The following SFXN4 variants were observed in gnomAD, a reference collection of about 807,000 sequenced individuals.
SFXN4 encodes the protein sideroflexin-4.
SFXN4 carries 48 observed loss-of-function variants against 54.6 expected under a neutral mutation model. That is an observed-to-expected ratio of 0.88 (90% CI 0.70 to 1.12). The LOEUF (loss-of-function observed/expected upper bound fraction) is 1.12. SFXN4 is among the 50% of genes most tolerant of loss of function. The probability of loss-of-function intolerance (pLI) is 0.00; values close to 1 mark genes in which losing one functional copy is unlikely to be tolerated. For missense variants in SFXN4, 383 were observed against 409.2 expected (o/e 0.94, Z 0.55); for synonymous variants, 130 against 145.5 (o/e 0.89, Z 0.77).
chr10:119,160,979 G>T lies in SFXN4; in HGVS notation c.280-10C>A. The T allele has an allele frequency of 6.2e-7, 1 of 1,614,200 alleles. No individual in the cohort carries two copies. The highest frequency in any genetic ancestry group is 8.5e-7 in the Non-Finnish European group (1 of 1,180,040). On this transcript the variant is annotated splice_polypyrimidine_tract_variant and intron_variant, in intron 4 of 13. Transcript: ENST00000355697. Reference sequence around the variant, plus strand: ...CGGGATGCACTGTTGCCTTCAAAAGGAGAGATGCAAGGTTAGCTGGATGTC... The same window carrying T: ...CGGGATGCACTGTTGCCTTCAAAAGTAGAGATGCAAGGTTAGCTGGATGTC...
intron 11 of SFXN4, among the ~76,000 whole-genome samples, chr10:119,151,577 G>A (rs1216110420): frequency 3.3e-5 from 5 of 150,948 alleles, no homozygotes; most frequent in African/African-American, 4.9e-5. Flanking sequence ...GTGCAGTGGC[G>A]CAATCTCAGC....
intron 10 of SFXN4, 52 bp downstream of exon 10, chr10:119,156,626 A>T: frequency 7.2e-7 from 1 of 1,391,246 alleles, no homozygotes; most frequent in Non-Finnish European, 1.0e-6. Flanking sequence ...GAAGGCTCAC[A>T]GACCACAAAG....
chr10:119,146,329 T>C lies in SFXN4; in HGVS notation c.843A>G (p.Pro281=). 1 of 1,612,624 alleles carries C rather than the reference T, an allele frequency of 6.2e-7. No individual in the cohort carries two copies. Among genetic ancestry groups the C allele is most frequent in the Non-Finnish European group, 8.5e-7 (1 of 1,178,854 alleles). The part of the protein sequence containing the change: ...FKRTQYFRKN[P]GSLWILKLSC... ...ACAGTTTCAAAATCCACAATGACCC[T>C]GGGTTTTTCCTGAAATACTGGGTCC... Residue 281 remains proline (P), a synonymous_variant, in exon 13 of 14, where the codon CCA becomes CCG. Transcript: ENST00000355697.
intron 11 of SFXN4, among the ~76,000 whole-genome samples, chr10:119,151,751 GGT>G (rs1481056511): frequency 3.3e-5 from 5 of 151,450 alleles, no homozygotes; most frequent in Admixed American, 3.3e-4. Flanking sequence ...CCTGACCTCA[GGT>G]GATCTACCTG....
Position 119,147,833 on chromosome 10 carries a change from T to C in SFXN4, c.760A>G (p.Ile254Val), listed in dbSNP as rs780031922. The change falls in exon 12 of 14, where the codon ATA becomes GTA. Residue 254 changes from isoleucine to valine, a missense_variant. Transcript: ENST00000355697. Reference protein sequence around the residue: ...KAVRETLASRIVLFGTSALIP... With the variant: ...KAVRETLASRVVLFGTSALIP... ...AGAGCTGAGGTCCCAAACAGCACTA[T>C]TCTGGATGCTAGCGTTTCTCTAACA... 7.4e-6 allele frequency: 12 copies of C among 1,614,050 alleles called. No homozygotes were observed. In the East Asian group the frequency reaches 2.4e-4, roughly 33 times the overall value.
At chr10:119,165,174 G>A in intron 1 of SFXN4, 6 of 1,034,696 alleles carry the variant, frequency 5.8e-6, no homozygotes, top group Non-Finnish European at 7.0e-6. Flanking sequence ...AAAGCCTCGG[G>A]GGTCTCACCG....
At chr10:119,160,810 G>C (rs1317427585) in intron 5 of SFXN4, 105 bp downstream of exon 5, 2 of 1,146,836 alleles carry the variant, frequency 1.7e-6, no homozygotes, top group Non-Finnish European at 2.6e-6. Context: ...ATGTTGGCCA[G>C]GCTGGTCTCG....
At position 119,156,449 on chromosome 10, in the gene SFXN4, T is replaced by C. The variant is rs149142965; in HGVS notation, c.616+229A>G. On this transcript the variant is annotated intron_variant, in intron 10 of 13. Transcript: ENST00000355697. ...GTCTCAAGAAAAAAAATGTAATTTG[T>C]GTTTCCAGTCTTGTGTTCATTCTTT... 7.5e-3 allele frequency among the ~76,000 whole-genome samples: 1,142 copies of C among 152,290 alleles called. 18 individuals are homozygous for C. Among genetic ancestry groups the C allele is most frequent in the African/African-American group, 0.026 (1,075 of 41,562 alleles).
chr10:119,156,091 A>T (rs923253088), intron 10 of SFXN4, among the ~76,000 whole-genome samples: 3 of 152,162 alleles, frequency 2.0e-5, no homozygotes, highest in Non-Finnish European at 4.4e-5. Context: ...GTCGGGATTA[A>T]GTAAAATAAT....
At chr10:119,160,372 G>A (rs1342237410) in intron 5 of SFXN4, among the ~76,000 whole-genome samples, 1 of 150,986 alleles carries the variant, frequency 6.6e-6, no homozygotes, top group African/African-American at 2.4e-5. Context: ...AAAATTAGCT[G>A]GGCATGGTGG....
chr10:119,164,381 T>A (rs899001554), intron 1 of SFXN4, among the ~76,000 whole-genome samples, 185 bp from the exon 2 acceptor site: 4 of 151,496 alleles, frequency 2.6e-5, no homozygotes, highest in African/African-American at 9.7e-5. Context: ...AAGCTGAGGC[T>A]TAGAGGGACT....
intron 10 of SFXN4, among the ~76,000 whole-genome samples, chr10:119,156,318 C>T (rs1021745711): frequency 5.9e-5 from 9 of 152,196 alleles, no homozygotes; most frequent in African/African-American, 2.2e-4. Flanking sequence ...ATCCCAGCTA[C>T]TTGGGAGACT....
At chr10:119,159,179 C>T (rs1323265730) in intron 6 of SFXN4, among the ~76,000 whole-genome samples, 1 of 151,942 alleles carries the variant, frequency 6.6e-6, no homozygotes, top group East Asian at 1.9e-4. Context: ...ACTCAGGAGG[C>T]TGAGACAGGA....
At chr10:119,150,483 C>T (rs1006197018) in intron 11 of SFXN4, among the ~76,000 whole-genome samples, 1 of 151,990 alleles carries the variant, frequency 6.6e-6, no homozygotes, top group Non-Finnish European at 1.5e-5. Context: ...TTGAGACCAG[C>T]CTGGGCAACA....
chr10:119,155,264 G>C, intron 10 of SFXN4, 87 bp from the exon 11 acceptor site: 1 of 908,040 alleles, frequency 1.1e-6, no homozygotes, highest in Non-Finnish European at 1.8e-6. Flanking sequence ...TCTGCCCCCT[G>C]CAAGCCTCTT....
In SFXN4 at chr10:119,165,682, C is replaced by A. The variant is rs932288380; in HGVS notation, c.-35G>T. On this transcript the variant is annotated 5_prime_UTR_variant, in exon 1 of 14. Transcript: ENST00000355697. ...GTTAGAGTGGCCGCCGCCGCCAGGC[C>A]GCGCGTGGAGGAGGAGCCGGGCGGC... The A allele has an allele frequency of 2.7e-6, 4 of 1,498,230 alleles. No individual in the cohort carries two copies. In the Admixed American group the frequency reaches 8.6e-5, roughly 32 times the overall value. The allele number at this position is 1,498,230 out of a possible 1,614,324, so 92.8% of individuals were successfully genotyped here. A position where few individuals can be genotyped will look rare whatever the true frequency, so the allele number is the denominator to read the frequency against.
At chr10:119,146,153 G>C in intron 13 of SFXN4, 83 bp downstream of exon 13, 4 of 791,882 alleles carry the variant, frequency 5.1e-6, no homozygotes, top group Admixed American at 2.3e-5. Context: ...AAACTTTGCA[G>C]AGTTTTAAGA....
At chr10:119,144,419 T>C (rs1252962348) in intron 13 of SFXN4, among the ~76,000 whole-genome samples, 2 of 151,826 alleles carry the variant, frequency 1.3e-5, no homozygotes, top group African/African-American at 2.4e-5. Context: ...ATTGCGCCAC[T>C]GCACTCCAGC....
In SFXN4 at chr10:119,145,936, C is replaced by T. The variant is rs143148078; in HGVS notation, c.936+300G>A. Among the ~76,000 whole-genome samples, 391 of 152,258 alleles carry T rather than the reference C, an allele frequency of 2.6e-3. 1 individual carries two copies. Among genetic ancestry groups the T allele is most frequent in the African/African-American group, 8.4e-3 (351 of 41,552 alleles). On this transcript the variant is annotated intron_variant, in intron 13 of 13. Transcript: ENST00000355697. ...CTCCTGGGCCCAGGTGATCCTCCCA[C>T]CTCAGTCTCCTGCGCAGCTGGGACA...
Sources: allele counts gnomAD v4.1 joint callset (sites outside exome capture counted in the v4.1 genomes callset), GRCh38; gene constraint gnomAD v4.1.1; transcripts MANE v1.5; gene names NCBI Gene and HGNC (gene_info 2026-07-23, HGNC 2026-07-21).